Variants in KIAA0825 observed in about 807,000 individuals in gnomAD.
KIAA0825 encodes the protein uncharacterized protein KIAA0825.
KIAA0825 carries 119 observed loss-of-function variants against 147.6 expected under a neutral mutation model. The ratio of observed to expected loss-of-function variants is 0.81; its 90% CI spans 0.69 to 0.94. KIAA0825 has a LOEUF of 0.94. Ranked by LOEUF, KIAA0825 falls within the 40% of genes least tolerant of loss-of-function variation. The probability of loss-of-function intolerance (pLI) is 0.00; values close to 1 mark genes in which losing one functional copy is unlikely to be tolerated. For synonymous variants in KIAA0825, 470 were observed against 518.1 expected, an observed-to-expected ratio of 0.91 and a Z score of 1.26; for missense variants, 1,381 against 1,472.7, an observed-to-expected ratio of 0.94 and a Z score of 1.02.
At chr5:94,601,875 C>T (rs533819752) in intron 1 of KIAA0825, among the ~76,000 whole-genome samples, 10 of 152,146 alleles carry the variant, frequency 6.6e-5, no homozygotes, top group South Asian at 2.1e-4. Context: ...ACAAAATTTC[C>T]GAGAAATATG....
At chr5:94,228,052 G>T (rs1774363140) in intron 20 of KIAA0825, among the ~76,000 whole-genome samples, 1 of 152,168 alleles carries the variant, frequency 6.6e-6, no homozygotes, top group African/African-American at 2.4e-5. Context: ...CTAGTTAAAT[G>T]TGTCTTAGTC....
chr5:94,462,669 T>C (rs1025541371), intron 11 of KIAA0825, 100 bp from the exon 12 acceptor site: 3 of 586,660 alleles, frequency 5.1e-6, no homozygotes, highest in African/African-American at 3.8e-5. Context: ...TATGTAAGAA[T>C]AGAAGAATTC....
At chr5:94,193,341 A>C (rs1213291967) in intron 20 of KIAA0825, among the ~76,000 whole-genome samples, 2 of 152,202 alleles carry the variant, frequency 1.3e-5, no homozygotes, top group Non-Finnish European at 2.9e-5. Context: ...ATGGCTGTTA[A>C]TTATTAAGTA....
intron 19 of KIAA0825, 133 bp downstream of exon 19, chr5:94,386,109 A>T: frequency 1.4e-6 from 1 of 699,908 alleles, no homozygotes; most frequent in Non-Finnish European, 2.3e-6. Context: ...TGTACAGACC[A>T]TGTAAATAAG....
chr5:94,170,087 C>T (rs1279324340), intron 20 of KIAA0825, among the ~76,000 whole-genome samples: 6 of 152,118 alleles, frequency 3.9e-5, no homozygotes, highest in Admixed American at 3.9e-4. Context: ...TTCACGAGGT[C>T]AGGAGATCAA....
intron 20 of KIAA0825, among the ~76,000 whole-genome samples, chr5:94,189,256 T>C (rs1042664004): frequency 6.6e-6 from 1 of 152,118 alleles, no homozygotes; most frequent in Admixed American, 6.5e-5. Context: ...AAGAAAAAAG[T>C]TTTTAATCTT....
At chr5:94,501,871 A>G (rs557419716) in intron 5 of KIAA0825, among the ~76,000 whole-genome samples, 4 of 152,304 alleles carry the variant, frequency 2.6e-5, no homozygotes, top group South Asian at 4.1e-4. Flanking sequence ...AACTAGAAAA[A>G]TCCTAATGTC....
intron 14 of KIAA0825, among the ~76,000 whole-genome samples, chr5:94,425,735 C>G (rs1417572287): frequency 6.6e-6 from 1 of 152,168 alleles, no homozygotes; most frequent in Admixed American, 6.5e-5. Context: ...TTCCCACCAA[C>G]AGTGTATGTG....
At chr5:94,254,647 G>A (rs1373167683) in intron 20 of KIAA0825, among the ~76,000 whole-genome samples, 2 of 151,950 alleles carry the variant, frequency 1.3e-5, no homozygotes, top group African/African-American at 4.8e-5. Context: ...GCTAGACTTC[G>A]TAACATCTCT....
At chr5:94,170,040 C>T (rs1423655040) in intron 20 of KIAA0825, among the ~76,000 whole-genome samples, 1 of 152,134 alleles carries the variant, frequency 6.6e-6, no homozygotes, top group Non-Finnish European at 1.5e-5. Context: ...CTCTATGTTT[C>T]ATATAACAAT....
intron 20 of KIAA0825, among the ~76,000 whole-genome samples, chr5:94,326,487 A>G (rs1396549241): frequency 1.3e-5 from 2 of 152,180 alleles, no homozygotes; most frequent in South Asian, 2.1e-4. Context: ...TGGTTTTTCA[A>G]AGTAATAAAG....
intron 20 of KIAA0825, among the ~76,000 whole-genome samples, chr5:94,296,843 C>T (rs185603756): frequency 1.9e-3 from 295 of 152,260 alleles, no homozygotes; most frequent in African/African-American, 6.9e-3. Flanking sequence ...CCTATTCAGC[C>T]ATCTTGCCAG....
At chr5:94,272,512 G>A (rs1167858620) in intron 20 of KIAA0825, among the ~76,000 whole-genome samples, 3 of 151,954 alleles carry the variant, frequency 2.0e-5, no homozygotes, top group Non-Finnish European at 2.9e-5. Flanking sequence ...AAAAGTTTAA[G>A]TAAAAAACAA....
intron 5 of KIAA0825, among the ~76,000 whole-genome samples, chr5:94,493,477 C>T (rs552459840): frequency 1.3e-5 from 2 of 152,186 alleles, no homozygotes; most frequent in Non-Finnish European, 2.9e-5. Context: ...CTAGTACATA[C>T]AATATCTGCA....
chr5:94,495,383 A>C (rs976767937), intron 5 of KIAA0825, among the ~76,000 whole-genome samples: 8 of 152,258 alleles, frequency 5.3e-5, no homozygotes, highest in Non-Finnish European at 2.9e-5. Context: ...ACGACTTTGC[A>C]GCCCCTTGGT....
At position 94,512,595 on chromosome 5, in the gene KIAA0825, T is replaced by TA. The variant is rs557790918; in HGVS notation, c.970+7652dup. Among the ~76,000 whole-genome samples the TA allele has an allele frequency of 8.4e-3, 1,079 of 128,204 alleles. 6 individuals are homozygous for TA. Among genetic ancestry groups the TA allele is most frequent in the African/African-American group, 0.014 (502 of 34,880 alleles). 84.1% of individuals were successfully genotyped at this position (128,204 alleles called of 152,430 possible). A position where few individuals can be genotyped will look rare whatever the true frequency, so the allele number is the denominator to read the frequency against. ...TGGGCAACATAGCAAGATCCTGTCT[T>TA]AAAAAAAAAAAAAAAAAAGGCAGAG... On this transcript the variant is annotated intron_variant, in intron 5 of 20. Coordinates refer to ENST00000682413, the MANE Select transcript of KIAA0825 (RefSeq NM_001145678.3).
At chr5:94,352,863 G>A (rs116469269) in intron 20 of KIAA0825, among the ~76,000 whole-genome samples, 1 of 152,008 alleles carries the variant, frequency 6.6e-6, no homozygotes. Context: ...CTGATATGTG[G>A]GAGCTAAGCT....
At chr5:94,515,379 A>C (rs1215993348) in intron 5 of KIAA0825, among the ~76,000 whole-genome samples, 2 of 152,238 alleles carry the variant, frequency 1.3e-5, no homozygotes, top group Non-Finnish European at 1.5e-5. Flanking sequence ...TTAGGTTATA[A>C]TCAAAATGCT....
intron 20 of KIAA0825, among the ~76,000 whole-genome samples, chr5:94,188,647 A>G (rs1405253980): frequency 1.3e-5 from 2 of 152,082 alleles, no homozygotes; most frequent in Non-Finnish European, 2.9e-5. Flanking sequence ...TAGTAGAGAT[A>G]TATCACCATT....
Sources: allele counts gnomAD v4.1 joint callset (sites outside exome capture counted in the v4.1 genomes callset), GRCh38; gene constraint gnomAD v4.1.1; transcripts MANE v1.5; gene names NCBI Gene and HGNC (gene_info 2026-07-23, HGNC 2026-07-21).